The following CTBP2 variants were observed in gnomAD, a reference collection of about 807,000 sequenced individuals.
CTBP2 encodes the protein C-terminal-binding protein 2.
A neutral mutation model predicts 80.3 loss-of-function variants in CTBP2; 30 were observed. The observed-to-expected ratio is 0.37, with a 90% CI of 0.28 to 0.51. CTBP2 has a LOEUF of 0.51. Ranked by LOEUF, CTBP2 falls within the 20% of genes least tolerant of loss-of-function variation. CTBP2 has a pLI of 0.93. For missense variants in CTBP2, 1,212 were observed against 1,375.3 expected (o/e 0.88, Z 1.88); for synonymous variants, 594 against 587.4 (o/e 1.01, Z -0.16).
chr10:125,007,256 T>C (rs1955369391), intron 1 of CTBP2, among the ~76,000 whole-genome samples: 1 of 152,240 alleles, frequency 6.6e-6, no homozygotes, highest in Non-Finnish European at 1.5e-5. Context: ...TGGTATCAAT[T>C]ACTATCTGGT....
At chr10:125,089,699 G>A (rs958510890) in intron 2 of CTBP2, among the ~76,000 whole-genome samples, 63 of 152,168 alleles carry the variant, frequency 4.1e-4, no homozygotes, top group African/African-American at 1.5e-3. Context: ...GCAGCTTCCA[G>A]GACTGAACTA....
chr10:125,085,433 T>C (rs1045422379), intron 2 of CTBP2, among the ~76,000 whole-genome samples: 6 of 152,196 alleles, frequency 3.9e-5, no homozygotes, highest in African/African-American at 1.4e-4. Flanking sequence ...TCTGCGGGCA[T>C]ATGGCAGGGG....
chr10:125,139,337 A>C (rs1340956668), intron 1 of CTBP2, among the ~76,000 whole-genome samples: 1 of 149,548 alleles, frequency 6.7e-6, no homozygotes, highest in Non-Finnish European at 1.5e-5. Flanking sequence ...CCACTGTACA[A>C]TCACTGTACA....
intron 1 of CTBP2, chr10:125,005,432 C>T: frequency 9.5e-7 from 1 of 1,047,830 alleles, no homozygotes; most frequent in Non-Finnish European, 1.4e-6. Flanking sequence ...CACCCAGGTC[C>T]CCAAACAGGG....
At chr10:125,038,779 T>TAGTC (rs1444302012) in intron 3 of CTBP2, among the ~76,000 whole-genome samples, 1 of 152,188 alleles carries the variant, frequency 6.6e-6, no homozygotes, top group Non-Finnish European at 1.5e-5. Context: ...ACTGTCCTCC[T>TAGTC]AGTCCCCAAC....
intron 8 of CTBP2, 133 bp from the exon 11 acceptor site, chr10:124,989,831 C>T (rs1049516614): frequency 4.8e-6 from 4 of 838,770 alleles, no homozygotes; most frequent in Non-Finnish European, 7.0e-6. Context: ...GACCGACCTT[C>T]TGGGCTCAAG....
chr10:125,068,524 G>T (rs1040033383), intron 2 of CTBP2, among the ~76,000 whole-genome samples: 2 of 152,222 alleles, frequency 1.3e-5, no homozygotes, highest in Non-Finnish European at 2.9e-5. Flanking sequence ...ACAGGCCACA[G>T]GTTTCAGGGC....
chr10:125,120,379 C>T (rs931026868), intron 1 of CTBP2, among the ~76,000 whole-genome samples: 1 of 152,228 alleles, frequency 6.6e-6, no homozygotes, highest in Non-Finnish European at 1.5e-5. Context: ...CTTTACATAT[C>T]AACACCATTT....
intron 2 of CTBP2, among the ~76,000 whole-genome samples, chr10:125,056,752 G>A (rs2135282946): frequency 6.6e-6 from 1 of 152,334 alleles, no homozygotes. Flanking sequence ...AACTTCCGTG[G>A]CCTTAGGACC....
chr10:124,992,382 G>A (rs1413188553), intron 8 of CTBP2, among the ~76,000 whole-genome samples: 1 of 151,942 alleles, frequency 6.6e-6, no homozygotes, highest in Non-Finnish European at 1.5e-5. Context: ...CTGCAGGTGT[G>A]CGCCACCACA....
chr10:125,053,456 G>A (rs2135235669), intron 2 of CTBP2, among the ~76,000 whole-genome samples: 1 of 152,304 alleles, frequency 6.6e-6, no homozygotes, highest in East Asian at 1.9e-4. Context: ...TGCAAGGAAG[G>A]CCCTCTGTCC....
At chr10:125,115,999 A>T (rs1322242635) in intron 1 of CTBP2, among the ~76,000 whole-genome samples, 1 of 152,158 alleles carries the variant, frequency 6.6e-6, no homozygotes, top group Non-Finnish European at 1.5e-5. Flanking sequence ...TGCAACATCA[A>T]CTATGACCTC....
At chr10:125,007,614 G>A (rs1217589737) in intron 1 of CTBP2, among the ~76,000 whole-genome samples, 1 of 152,208 alleles carries the variant, frequency 6.6e-6, no homozygotes, top group Non-Finnish European at 1.5e-5. Flanking sequence ...AGGCAGACAG[G>A]CCTGGAGTTG....
chr10:125,148,705 T>G (rs1859264453), intron 1 of CTBP2, among the ~76,000 whole-genome samples: 1 of 152,190 alleles, frequency 6.6e-6, no homozygotes, highest in Admixed American at 6.5e-5. Context: ...CTTTGCCCAC[T>G]ATTTGGAGCC....
chr10:125,097,638 A>G (rs186378693), intron 2 of CTBP2, among the ~76,000 whole-genome samples: 2 of 152,134 alleles, frequency 1.3e-5, no homozygotes, highest in East Asian at 3.9e-4. Context: ...ACGTGTGCAT[A>G]TCAGTGTGTC....
At chr10:125,143,792 T>C (rs1188352142) in intron 1 of CTBP2, among the ~76,000 whole-genome samples, 2 of 152,166 alleles carry the variant, frequency 1.3e-5, no homozygotes, top group Non-Finnish European at 2.9e-5. Context: ...ATAAACACCA[T>C]AAATCATAAA....
At position 125,026,559 on chromosome 10, in the gene CTBP2, C is replaced by T; in HGVS notation, c.1201G>A (p.Asp401Asn). ...GCGCTGGAGGGACGGCGAGCCGGGT[C>T]TCCAGCTCGGGGGGATGCTGTCTGC... Residue 401 changes from aspartate to asparagine, a missense_variant, in exon 1 of 9, where the codon GAC becomes AAC. This residue lies in a region of CTBP2 where 848 missense variants were observed against 782.3 expected (regional missense o/e 1.08). Transcript: ENST00000309035. 1 of 1,554,850 alleles carries T rather than the reference C, an allele frequency of 6.4e-7. No homozygotes were observed. The highest frequency in any genetic ancestry group is 8.7e-7 in the Non-Finnish European group (1 of 1,151,730).
Position 124,987,043 on chromosome 10 carries a change from A to AATT in CTBP2, c.*2472_*2474dup, listed in dbSNP as rs1952065692. 2 of 152,610 alleles carry AATT rather than the reference A, an allele frequency of 1.3e-5. No homozygotes were observed. Among genetic ancestry groups the AATT allele is most frequent in the Admixed American group, 6.5e-5 (1 of 15,280 alleles). 9.5% of individuals were successfully genotyped at this position (152,610 alleles called of 1,614,324 possible). A position where few individuals can be genotyped will look rare whatever the true frequency, so the allele number is the denominator to read the frequency against. On this transcript the variant is annotated 3_prime_UTR_variant, in exon 9 of 9. Transcript: ENST00000309035. ...TGCAGCATTCTTCCCTGTGGGAAAGAATTAAAGATGGTTCCATTTCCTAGG... is the reference window on the plus strand; with the variant it reads ...TGCAGCATTCTTCCCTGTGGGAAAGAATTATTAAAGATGGTTCCATTTCCTAGG...
intron 6 of CTBP2, among the ~76,000 whole-genome samples, 168 bp downstream of exon 8, chr10:124,993,687 C>T (rs1270056464): frequency 6.6e-6 from 1 of 152,228 alleles, no homozygotes; most frequent in Non-Finnish European, 1.5e-5. Flanking sequence ...AGCCCTTTTA[C>T]AATTAGAATA....
Sources: gnomAD v4.1 joint callset for allele counts (sites outside exome capture counted in the v4.1 genomes callset) on GRCh38, gnomAD v4.1.1 for gene constraint, gnomAD v4.1.1 regional missense constraint, MANE v1.5 for transcripts, NCBI Gene and HGNC (gene_info 2026-07-23, HGNC 2026-07-21) for gene names.